The following ANO10 variants were observed in gnomAD, a reference collection of about 807,000 sequenced individuals.
ANO10 encodes the protein anoctamin 10.
Under a neutral mutation model 74.7 loss-of-function variants are expected in ANO10, and 77 were observed. The observed-to-expected ratio is 1.03, with a 90% CI of 0.86 to 1.25. The LOEUF is 1.25. Among genes scored for constraint, ANO10 ranks in the 50% most tolerant of loss-of-function variants. The probability of loss-of-function intolerance (pLI) is 0.00; values close to 1 mark genes in which losing one functional copy is unlikely to be tolerated. For synonymous variants in ANO10, 279 were observed against 284.9 expected (o/e 0.98, Z 0.21); for missense variants, 721 against 778.1 (o/e 0.93, Z 0.87).
intron 11 of ANO10, among the ~76,000 whole-genome samples, chr3:43,479,756 T>C (rs1214917455): frequency 6.6e-6 from 1 of 152,204 alleles, no homozygotes; most frequent in African/African-American, 2.4e-5. Flanking sequence ...CCACAGTGCC[T>C]GGGCCTTGGA....
At chr3:43,434,243 C>T (rs545164806) in intron 11 of ANO10, among the ~76,000 whole-genome samples, 121 of 152,300 alleles carry the variant, frequency 7.9e-4, no homozygotes, top group African/African-American at 2.7e-3. Context: ...CCAAAGATGA[C>T]ACTGGAAGAT....
At chr3:43,566,043 G>C (rs902886721) in intron 7 of ANO10, among the ~76,000 whole-genome samples, 33 of 152,320 alleles carry the variant, frequency 2.2e-4, no homozygotes, top group African/African-American at 7.7e-4. Context: ...GGGTCAGGGA[G>C]TTCCCTTTCT....
At chr3:43,488,589 T>A (rs1375943904) in intron 11 of ANO10, among the ~76,000 whole-genome samples, 2 of 151,928 alleles carry the variant, frequency 1.3e-5, no homozygotes, top group Admixed American at 6.6e-5. Flanking sequence ...TCACTGGCCA[T>A]CAGAGAAATG....
chr3:43,612,706 A>G (rs2082888336), intron 1 of ANO10, among the ~76,000 whole-genome samples: 1 of 152,236 alleles, frequency 6.6e-6, no homozygotes, highest in South Asian at 2.1e-4. Flanking sequence ...AGGAGTGGCC[A>G]ACACTGCATA....
intron 11 of ANO10, among the ~76,000 whole-genome samples, chr3:43,494,002 C>G (rs1347007831): frequency 6.6e-6 from 1 of 152,194 alleles, no homozygotes; most frequent in Non-Finnish European, 1.5e-5. Flanking sequence ...TCCCAAAGTG[C>G]TGGCATTACA....
intron 2 of ANO10, among the ~76,000 whole-genome samples, chr3:43,605,457 T>C (rs974881542): frequency 5.3e-5 from 8 of 152,198 alleles, no homozygotes; most frequent in African/African-American, 1.9e-4. Context: ...GCATACTATT[T>C]AGAGCTGTGA....
At chr3:43,531,849 T>G (rs2078482407) in intron 11 of ANO10, among the ~76,000 whole-genome samples, 1 of 150,902 alleles carries the variant, frequency 6.6e-6, no homozygotes. Context: ...GAGCCGAGAT[T>G]GGGCCATCGG....
Position 43,581,926 on chromosome 3 carries a change from GA to G in ANO10, c.473-1455del, listed in dbSNP as rs200406253. ...GGGCAACAGAGCAAGACCTCATCTC[GA>G]AAAAAAAAAAGAAAAAAAAAAAAGA... On this transcript the variant is annotated intron_variant, in intron 4 of 12. Coordinates refer to ENST00000292246, the MANE Select transcript of ANO10 (RefSeq NM_018075.5). Among the ~76,000 whole-genome samples the G allele has an allele frequency of 2.3e-3, 272 of 117,314 alleles. 1 individual carries two copies. Among genetic ancestry groups the G allele is most frequent in the Non-Finnish European group, 2.9e-3 (162 of 56,134 alleles). 77.0% of individuals were successfully genotyped at this position (117,314 alleles called of 152,430 possible).
At chr3:43,513,769 C>G (rs1275150561) in intron 11 of ANO10, among the ~76,000 whole-genome samples, 1 of 152,126 alleles carries the variant, frequency 6.6e-6, no homozygotes, top group Non-Finnish European at 1.5e-5. Context: ...CTTGGCCTCC[C>G]AAAGTGCTGG....
intron 1 of ANO10, among the ~76,000 whole-genome samples, chr3:43,681,239 C>T (rs1036185883): frequency 4.6e-5 from 7 of 151,924 alleles, no homozygotes; most frequent in East Asian, 1.9e-4. Context: ...GGAAGATCTA[C>T]CAAGCAAATG....
intron 12 of ANO10, among the ~76,000 whole-genome samples, chr3:43,386,697 C>T (rs2125707999): frequency 6.9e-6 from 1 of 144,316 alleles, no homozygotes; most frequent in South Asian, 2.2e-4. Context: ...GTCTCCAAAT[C>T]AGCTACCTCT....
intron 7 of ANO10, among the ~76,000 whole-genome samples, chr3:43,566,079 G>A (rs1016181402): frequency 1.3e-5 from 2 of 152,196 alleles, no homozygotes; most frequent in African/African-American, 2.4e-5. Flanking sequence ...GTGACGGACG[G>A]CACCTGGAAA....
chr3:43,458,671 G>A (rs962545118), intron 11 of ANO10, among the ~76,000 whole-genome samples: 1 of 152,054 alleles, frequency 6.6e-6, no homozygotes, highest in Non-Finnish European at 1.5e-5. Flanking sequence ...TTTAAGTTCT[G>A]GGATACATGT....
chr3:43,594,932 T>A (rs971280957), intron 4 of ANO10, among the ~76,000 whole-genome samples: 1 of 151,976 alleles, frequency 6.6e-6, no homozygotes, highest in Non-Finnish European at 1.5e-5. Flanking sequence ...AAAGGGGATA[T>A]CACCACCGAT....
rs536644964 is a variant in ANO10, at chr3:43,482,662, GCTCT to G, written c.1798-49939_1798-49936del. Among the ~76,000 whole-genome samples the G allele has an allele frequency of 1.4e-4, 21 of 152,172 alleles. 1 individual carries two copies. The highest frequency in any genetic ancestry group is 6.5e-5 in the Admixed American group (1 of 15,276). On this transcript the variant is annotated intron_variant, in intron 11 of 12. Transcript: ENST00000292246. ...TCTACTTCTCTCTAGCTTCTGAGGGGCTCTCTCTGAGTCCCAGACTGTGTGACCA... is the reference window on the plus strand; with the variant it reads ...TCTACTTCTCTCTAGCTTCTGAGGGGCTCTGAGTCCCAGACTGTGTGACCA...
intron 11 of ANO10, among the ~76,000 whole-genome samples, chr3:43,486,141 G>T (rs1436269005): frequency 6.6e-6 from 1 of 152,160 alleles, no homozygotes; most frequent in Non-Finnish European, 1.5e-5. Context: ...GAGAGATTGA[G>T]TCTGACACCT....
In ANO10 at chr3:43,555,436, G is replaced by T. The variant is rs201719088; in HGVS notation, c.1510C>A (p.Gln504Lys). The part of the protein sequence containing the change: ...TFDDYLELFL[Q>K]FGYVSLFSCV... The stretch of plus-strand genomic sequence containing the variant: ...GAGAAAAGGCTCACATAACCAAACT[G>T]CAGGAATAACTCCAAGTAATCATCA... The change falls in exon 10 of 13, where the codon CAG becomes AAG. Residue 504 changes from glutamine to lysine, a missense_variant. By Grantham distance (53) the Gln-to-Lys change is moderately conservative. Coordinates refer to ENST00000292246, the MANE Select transcript of ANO10 (RefSeq NM_018075.5). The T allele has an allele frequency of 4.3e-6, 7 of 1,614,094 alleles. No homozygotes were observed. In the East Asian group the frequency reaches 1.3e-4, roughly 31 times the overall value.
chr3:43,564,627 TTAAC>T (rs1171279182), intron 8 of ANO10, among the ~76,000 whole-genome samples: 1 of 152,212 alleles, frequency 6.6e-6, no homozygotes, highest in Non-Finnish European at 1.5e-5. Flanking sequence ...TGCTGTTGAA[TTAAC>T]TATTACTCCC....
intron 11 of ANO10, among the ~76,000 whole-genome samples, chr3:43,516,083 T>C (rs906875004): frequency 6.6e-6 from 1 of 152,188 alleles, no homozygotes; most frequent in African/African-American, 2.4e-5. Flanking sequence ...ACCAACCATG[T>C]GCTCAGTACT....
Sources: allele counts gnomAD v4.1 joint callset (sites outside exome capture counted in the v4.1 genomes callset), GRCh38; gene constraint gnomAD v4.1.1; transcripts MANE v1.5; gene names NCBI Gene and HGNC (gene_info 2026-07-23, HGNC 2026-07-21).